Variants in MLIP observed in about 807,000 individuals in gnomAD.
The protein encoded by MLIP is muscular LMNA-interacting protein.
Under a neutral mutation model 84.8 loss-of-function variants are expected in MLIP, and 79 were observed. The ratio of observed to expected loss-of-function variants is 0.93; its 90% CI spans 0.78 to 1.12. MLIP has a LOEUF of 1.12. Among genes scored for constraint, MLIP ranks in the 50% most tolerant of loss-of-function variants. The probability of loss-of-function intolerance (pLI) is 0.00; values close to 1 mark genes in which losing one functional copy is unlikely to be tolerated. For missense variants in MLIP, 1,257 were observed against 1,160.6 expected (o/e 1.08, Z -1.21); for synonymous variants, 504 against 463.0 (o/e 1.09, Z -1.14).
At chr6:54,063,543 A>G (rs1012098333) in intron 1 of MLIP, among the ~76,000 whole-genome samples, 2 of 152,206 alleles carry the variant, frequency 1.3e-5, no homozygotes, top group African/African-American at 4.8e-5. Flanking sequence ...CTTATCCTTT[A>G]GGTGTAAATG....
In MLIP at chr6:54,125,522, A is replaced by G. The variant is rs79677679; in HGVS notation, c.645+657A>G. 7.0e-4 allele frequency among the ~76,000 whole-genome samples: 107 copies of G among 152,314 alleles called. 1 individual carries two copies. The East Asian group carries it at 0.02, about 29-fold the overall frequency. On this transcript the variant is annotated intron_variant, in intron 3 of 13. Coordinates refer to ENST00000502396, the MANE Select transcript of MLIP (RefSeq NM_001281747.2). ...TCTGGTACAATAGGAGAAGACCCAC[A>G]TCTGTGATGGCAGGAAAGAAAGGAT...
intron 2 of MLIP, among the ~76,000 whole-genome samples, chr6:54,121,898 A>T (rs1770488187): frequency 6.6e-6 from 1 of 152,238 alleles, no homozygotes; most frequent in Non-Finnish European, 1.5e-5. Flanking sequence ...AACAAAATTT[A>T]AAAATGTTTA....
In MLIP at chr6:54,136,765, T is replaced by C; in HGVS notation, c.696T>C (p.Ala232=). The change falls in exon 4 of 14, where the codon GCT becomes GCC. Residue 232 remains alanine, a synonymous_variant. Transcript: ENST00000502396. ...TSEQLACKPP[A]FSFVSPTNPN... is the part of the protein sequence containing the mutation. ...AGCAGCTTGCCTGTAAACCACCTGC[T>C]TTCTCCTTTGTTTCTCCAACTAATC... 1 of 1,519,244 alleles carries C rather than the reference T, an allele frequency of 6.6e-7. No individual in the cohort carries two copies. The highest frequency in any genetic ancestry group is 1.2e-5 in the South Asian group (1 of 83,386). 94.1% of individuals were successfully genotyped at this position (1,519,244 alleles called of 1,614,324 possible).
intron 11 of MLIP, among the ~76,000 whole-genome samples, chr6:54,223,792 C>G (rs974403484): frequency 2.6e-5 from 4 of 151,446 alleles, no homozygotes; most frequent in African/African-American, 9.7e-5. Context: ...TAAAACTAAG[C>G]CTTTTAAAAA....
chr6:54,029,635 T>A (rs1764013279), intron 1 of MLIP, among the ~76,000 whole-genome samples: 2 of 152,170 alleles, frequency 1.3e-5, no homozygotes. Flanking sequence ...CAGCAACTTT[T>A]TTTTTCTGTT....
chr6:54,163,850 C>T (rs1187685331), intron 8 of MLIP, among the ~76,000 whole-genome samples: 1 of 151,904 alleles, frequency 6.6e-6, no homozygotes, highest in Non-Finnish European at 1.5e-5. Flanking sequence ...TTGTATAAAG[C>T]AAGATCTTTT....
chr6:54,216,165 A>G, intron 11 of MLIP: 1 of 985,322 alleles, frequency 1.0e-6, no homozygotes, highest in Non-Finnish European at 1.2e-6. Context: ...AAAGACTTAA[A>G]TGTTTCTTGT....
chr6:54,121,492 G>T lies in MLIP; in HGVS notation c.142G>T (p.Val48Phe), dbSNP rs781316348. Residue 48 changes from valine to phenylalanine, a missense_variant, in exon 2 of 14, where the codon GTC becomes TTC. By Grantham distance (50) the Val-to-Phe change is conservative (BLOSUM62 -1). Transcript: ENST00000502396. ...AGCCAAACCTCTGATCTTCACATTT[G>T]TCCCCACTGTCAGAAGACTACCAAC... ...SEAKPLIFTF[V>F]PTVRRLPTHT... The T allele has an allele frequency of 7.4e-6, 12 of 1,613,924 alleles. No homozygotes were observed. The highest frequency in any genetic ancestry group is 2.2e-5 in the East Asian group (1 of 44,878).
chr6:54,190,583 C>T (rs1215099108), intron 10 of MLIP, among the ~76,000 whole-genome samples: 2 of 152,034 alleles, frequency 1.3e-5, no homozygotes, highest in Non-Finnish European at 2.9e-5. Flanking sequence ...ACATTTACAG[C>T]AAATCTCAAT....
intron 1 of MLIP, among the ~76,000 whole-genome samples, chr6:54,085,588 T>G (rs889599910): frequency 2.0e-5 from 3 of 152,256 alleles, no homozygotes; most frequent in Admixed American, 2.0e-4. Flanking sequence ...AGGCTACAAG[T>G]AAACAAAACG....
At chr6:54,020,559 G>A (rs1206395797) in intron 1 of MLIP, among the ~76,000 whole-genome samples, 1 of 152,158 alleles carries the variant, frequency 6.6e-6, no homozygotes, top group African/African-American at 2.4e-5. Context: ...AGGAAGTTTT[G>A]CGAGTAAACA....
chr6:54,247,265 G>T (rs148670682), intron 12 of MLIP, among the ~76,000 whole-genome samples: 94 of 152,208 alleles, frequency 6.2e-4, no homozygotes, highest in African/African-American at 2.2e-3. Context: ...TGACAGTGGA[G>T]AGTTTTCTTT....
intron 1 of MLIP, among the ~76,000 whole-genome samples, chr6:54,023,175 ATAAT>A (rs1763602710): frequency 7.1e-6 from 1 of 140,766 alleles, no homozygotes; most frequent in Non-Finnish European, 1.6e-5. Context: ...TCAAAAAATA[ATAAT>A]AATAATAATA....
At chr6:54,204,189 T>A (rs1582492196) in intron 11 of MLIP, among the ~76,000 whole-genome samples, 1 of 152,324 alleles carries the variant, frequency 6.6e-6, no homozygotes, top group East Asian at 1.9e-4. Context: ...TAGAGGCAAT[T>A]ATTTTAATTT....
chr6:54,065,036 A>G (rs1766171627), intron 1 of MLIP, among the ~76,000 whole-genome samples: 1 of 99,932 alleles, frequency 1.0e-5, no homozygotes, highest in African/African-American at 2.6e-5. Context: ...TATAAGACTC[A>G]TGATTTTTAA....
chr6:54,237,465 A>G (rs1032203318), intron 12 of MLIP, among the ~76,000 whole-genome samples: 1 of 152,144 alleles, frequency 6.6e-6, no homozygotes, highest in Non-Finnish European at 1.5e-5. Flanking sequence ...CTTATATTGT[A>G]TGTATCTGTA....
At chr6:54,250,836 G>A (rs1432922120) in intron 12 of MLIP, among the ~76,000 whole-genome samples, 5 of 151,820 alleles carry the variant, frequency 3.3e-5, no homozygotes, top group Non-Finnish European at 7.4e-5. Flanking sequence ...TCAGCCTCTG[G>A]GAAAAATATG....
At chr6:54,160,080 A>C (rs1774456511) in intron 5 of MLIP, among the ~76,000 whole-genome samples, 2 of 152,012 alleles carry the variant, frequency 1.3e-5, no homozygotes, top group South Asian at 4.1e-4. Flanking sequence ...ATGGGGAAAG[A>C]GTTCCCTATT....
intron 12 of MLIP, among the ~76,000 whole-genome samples, chr6:54,237,643 A>G (rs1445314228): frequency 6.7e-6 from 1 of 150,328 alleles, no homozygotes; most frequent in Non-Finnish European, 1.5e-5. Context: ...CCCAGGAGCC[A>G]GAGACCAGCC....
Sources: allele counts gnomAD v4.1 joint callset (sites outside exome capture counted in the v4.1 genomes callset), GRCh38; gene constraint gnomAD v4.1.1; transcripts MANE v1.5; gene names NCBI Gene and HGNC (gene_info 2026-07-23, HGNC 2026-07-21).